Variants in MAST4 observed in about 807,000 individuals in gnomAD.
The protein encoded by MAST4 is microtubule associated serine/threonine kinase family member 4, also known as microtubule-associated serine/threonine-protein kinase 4.
A neutral mutation model predicts 162.7 loss-of-function variants in MAST4; 89 were observed. That is an observed-to-expected ratio of 0.55 (90% CI 0.46 to 0.65). The LOEUF is 0.65. Among genes scored for constraint, MAST4 ranks in the 30% least tolerant of loss-of-function variants. The probability of loss-of-function intolerance (pLI) is 0.00; values close to 1 mark genes in which losing one functional copy is unlikely to be tolerated. For synonymous variants in MAST4, 1,479 were observed against 1,361.1 expected, an observed-to-expected ratio of 1.09 and a Z score of -1.91; for missense variants, 3,153 against 3,374.0, an observed-to-expected ratio of 0.93 and a Z score of 1.62.
intron 3 of MAST4, among the ~76,000 whole-genome samples, chr5:66,838,970 G>A (rs1163068822): frequency 6.6e-6 from 1 of 152,132 alleles, no homozygotes; most frequent in Non-Finnish European, 1.5e-5. Context: ...TATTAATGAA[G>A]AATGCTTAGG....
At chr5:67,025,817 C>A (rs183098190) in intron 4 of MAST4, among the ~76,000 whole-genome samples, 1 of 152,328 alleles carries the variant, frequency 6.6e-6, no homozygotes, top group East Asian at 1.9e-4. Flanking sequence ...CATCATGTGC[C>A]TCTGGAGGGC....
intron 4 of MAST4, among the ~76,000 whole-genome samples, chr5:66,963,086 A>G (rs1446095133): frequency 1.3e-5 from 2 of 152,186 alleles, no homozygotes; most frequent in Non-Finnish European, 2.9e-5. Flanking sequence ...AGGGATTATA[A>G]TGGTTCATTG....
intron 4 of MAST4, among the ~76,000 whole-genome samples, chr5:66,906,180 G>T (rs1484157168): frequency 6.6e-6 from 1 of 152,166 alleles, no homozygotes; most frequent in African/African-American, 2.4e-5. Context: ...TCAGTCTTAA[G>T]ATCTCTGTTT....
chr5:66,699,905 T>C (rs1174740139), intron 1 of MAST4, among the ~76,000 whole-genome samples: 2 of 151,980 alleles, frequency 1.3e-5, no homozygotes, highest in Non-Finnish European at 2.9e-5. Context: ...TCTGCACATA[T>C]ATCCCGGAAC....
At chr5:67,077,856 T>C (rs1384420015) in intron 5 of MAST4, among the ~76,000 whole-genome samples, 1 of 152,078 alleles carries the variant, frequency 6.6e-6, no homozygotes, top group Non-Finnish European at 1.5e-5. Context: ...TCCCAGCACT[T>C]TGGGAGGCCG....
At chr5:66,939,875 A>G (rs1441725759) in intron 4 of MAST4, among the ~76,000 whole-genome samples, 5 of 152,022 alleles carry the variant, frequency 3.3e-5, no homozygotes, top group Admixed American at 3.3e-4. Context: ...ACTGTAGTCT[A>G]TTAAGTGTGC....
At chr5:67,053,117 A>G (rs995825481) in intron 4 of MAST4, among the ~76,000 whole-genome samples, 3 of 152,224 alleles carry the variant, frequency 2.0e-5, no homozygotes, top group Admixed American at 6.5e-5. Context: ...TTAAACTCAC[A>G]GATAATACTA....
chr5:66,620,915 C>T (rs761820732), intron 1 of MAST4, among the ~76,000 whole-genome samples: 4 of 151,982 alleles, frequency 2.6e-5, no homozygotes, highest in East Asian at 1.9e-4. Flanking sequence ...AAAAGAGATA[C>T]GGTTTTAATG....
At chr5:67,029,238 A>G (rs1403466865) in intron 4 of MAST4, among the ~76,000 whole-genome samples, 1 of 152,132 alleles carries the variant, frequency 6.6e-6, no homozygotes, top group Non-Finnish European at 1.5e-5. Flanking sequence ...GTCTGCTTAG[A>G]CCCAGGTCAG....
chr5:66,817,827 G>T (rs1379052019), intron 3 of MAST4, among the ~76,000 whole-genome samples: 3 of 152,154 alleles, frequency 2.0e-5, no homozygotes, highest in African/African-American at 7.2e-5. Context: ...ACAGAACAGA[G>T]GGACTTTATA....
intron 1 of MAST4, among the ~76,000 whole-genome samples, chr5:66,723,620 C>T (rs1036624189): frequency 6.6e-6 from 1 of 151,958 alleles, no homozygotes; most frequent in Admixed American, 6.6e-5. Flanking sequence ...GTGCCTGTTC[C>T]CTTATGAAAA....
intron 4 of MAST4, among the ~76,000 whole-genome samples, chr5:67,012,441 T>G (rs944277873): frequency 6.6e-6 from 1 of 152,208 alleles, no homozygotes; most frequent in African/African-American, 2.4e-5. Context: ...AGTAAGCATG[T>G]TATGTTAATC....
At chr5:66,624,305 G>C (rs1445535214) in intron 1 of MAST4, among the ~76,000 whole-genome samples, 1 of 151,576 alleles carries the variant, frequency 6.6e-6, no homozygotes, top group Non-Finnish European at 1.5e-5. Flanking sequence ...GGTGCATGCT[G>C]CCACGCCTGG....
chr5:66,825,495 C>T (rs1757205911), intron 3 of MAST4, among the ~76,000 whole-genome samples: 1 of 152,166 alleles, frequency 6.6e-6, no homozygotes, highest in South Asian at 2.1e-4. Context: ...GAGGGGAACC[C>T]ATATCCTTGT....
chr5:66,690,437 G>T (rs960428663), intron 1 of MAST4, among the ~76,000 whole-genome samples: 16 of 152,172 alleles, frequency 1.1e-4, no homozygotes, highest in African/African-American at 3.9e-4. Context: ...GGATTAGAAA[G>T]GGCTTGCTGT....
At chr5:66,989,750 T>C (rs1307635136) in intron 4 of MAST4, among the ~76,000 whole-genome samples, 1 of 152,208 alleles carries the variant, frequency 6.6e-6, no homozygotes, top group Non-Finnish European at 1.5e-5. Context: ...TTTTCTAGAA[T>C]ATATAAAATA....
chr5:66,822,642 T>C (rs1343446317), intron 3 of MAST4, among the ~76,000 whole-genome samples: 1 of 152,130 alleles, frequency 6.6e-6, no homozygotes, highest in Non-Finnish European at 1.5e-5. Flanking sequence ...TAGTTTCCCC[T>C]CTAAAGTAGC....
chr5:67,087,455 C>A (rs750367831), intron 5 of MAST4, among the ~76,000 whole-genome samples: 4 of 152,182 alleles, frequency 2.6e-5, no homozygotes, highest in Admixed American at 6.5e-5. Flanking sequence ...CTAATCAGTA[C>A]CAATAAACAC....
At chr5:66,635,341 G>A (rs1034750102) in intron 1 of MAST4, among the ~76,000 whole-genome samples, 1 of 152,162 alleles carries the variant, frequency 6.6e-6, no homozygotes, top group Non-Finnish European at 1.5e-5. Context: ...ACCTGTTCCA[G>A]GCAATTCTGT....
Sources: gnomAD v4.1 joint callset for allele counts (sites outside exome capture counted in the v4.1 genomes callset) on GRCh38, gnomAD v4.1.1 for gene constraint, MANE v1.5 for transcripts, NCBI Gene and HGNC (gene_info 2026-07-23, HGNC 2026-07-21) for gene names.